Variants in PTPRD observed in about 807,000 individuals in gnomAD.
PTPRD encodes the protein protein tyrosine phosphatase receptor type D.
In PTPRD, 34 loss-of-function variants were observed where a neutral mutation model predicts 214.5. The ratio of observed to expected loss-of-function variants is 0.16; its 90% CI spans 0.12 to 0.21. The LOEUF (loss-of-function observed/expected upper bound fraction) is 0.21, where lower values mean the gene tolerates loss of function less well. Among genes scored for constraint, PTPRD ranks in the 10% least tolerant of loss-of-function variants. PTPRD has a pLI of 1.00. For synonymous variants in PTPRD, 1,128 were observed against 845.7 expected, an observed-to-expected ratio of 1.33 and a Z score of -5.79; for missense variants, 2,545 against 2,398.7, an observed-to-expected ratio of 1.06 and a Z score of -1.27.
chr9:9,590,112 C>T (rs1327074966), intron 7 of PTPRD, among the ~76,000 whole-genome samples: 5 of 152,010 alleles, frequency 3.3e-5, no homozygotes, highest in Admixed American at 3.3e-4. Flanking sequence ...AGCCAGTTGG[C>T]TAAACACATT....
chr9:9,902,341 G>A (rs1205872629), intron 5 of PTPRD, among the ~76,000 whole-genome samples: 3 of 152,082 alleles, frequency 2.0e-5, no homozygotes, highest in Non-Finnish European at 4.4e-5. Flanking sequence ...AAGAAATGAA[G>A]AATTTTAGTT....
At chr9:9,938,981 C>G (rs1451651507) in intron 4 of PTPRD, among the ~76,000 whole-genome samples, 1 of 150,550 alleles carries the variant, frequency 6.6e-6, no homozygotes, top group East Asian at 2.0e-4. Context: ...CAGAGAGAAG[C>G]TGATGTTGAA....
intron 4 of PTPRD, among the ~76,000 whole-genome samples, chr9:10,031,779 G>A (rs4741006): frequency 0.2 from 30,600 of 150,168 alleles, 3,545 homozygotes; most frequent in East Asian, 0.49. Flanking sequence ...TACTAGATTC[G>A]TAGATCAAAG....
At chr9:9,800,555 G>A in intron 5 of PTPRD, 1 of 152,236 alleles carries the variant, frequency 6.6e-6, no homozygotes, top group Middle Eastern at 3.4e-3. Flanking sequence ...GGTCTGTAAA[G>A]AGAGAACGGA....
At chr9:9,489,960 A>G (rs1346390396) in intron 8 of PTPRD, among the ~76,000 whole-genome samples, 1 of 152,158 alleles carries the variant, frequency 6.6e-6, no homozygotes, top group Admixed American at 6.5e-5. Flanking sequence ...CAGGTTGTCA[A>G]CAAAATTTCA....
intron 12 of PTPRD, among the ~76,000 whole-genome samples, chr9:8,686,046 T>C (rs573513602): frequency 6.6e-6 from 1 of 152,304 alleles, no homozygotes; most frequent in East Asian, 1.9e-4. Flanking sequence ...TAAGGGACTC[T>C]CCTAAGGGAG....
At chr9:10,485,216 G>C (rs2099124828) in intron 2 of PTPRD, among the ~76,000 whole-genome samples, 1 of 151,848 alleles carries the variant, frequency 6.6e-6, no homozygotes, top group Admixed American at 6.6e-5. Flanking sequence ...TGTTCCATTG[G>C]TCTACGTGTC....
chr9:10,077,405 A>C (rs1322986752), intron 3 of PTPRD, among the ~76,000 whole-genome samples: 24 of 152,178 alleles, frequency 1.6e-4, no homozygotes. Context: ...TTAGAAATGT[A>C]CTTTTCAAAT....
chr9:9,038,001 A>C lies in PTPRD; in HGVS notation c.-142-19266T>G, dbSNP rs187365372. Among the ~76,000 whole-genome samples the C allele has an allele frequency of 2.0e-5, 3 of 152,346 alleles. No individual in the cohort carries two copies. In the East Asian group the frequency reaches 5.8e-4, roughly 29 times the overall value. Reference sequence around the variant, plus strand: ...ATCTATAAAATGAGAATAACTTCACAGAGTTGGGTAGAAGAGTGAAATTAA... The same window carrying C: ...ATCTATAAAATGAGAATAACTTCACCGAGTTGGGTAGAAGAGTGAAATTAA... On this transcript the variant is annotated intron_variant, in intron 10 of 45. Transcript: ENST00000381196.
intron 35 of PTPRD, among the ~76,000 whole-genome samples, chr9:8,418,219 C>T (rs1274697142): frequency 1.3e-5 from 2 of 150,188 alleles, no homozygotes; most frequent in East Asian, 2.0e-4. Context: ...CTTTCTTATC[C>T]TTTTCTTTTT....
chr9:10,270,974 C>T (rs2094385836), intron 3 of PTPRD, among the ~76,000 whole-genome samples: 1 of 151,942 alleles, frequency 6.6e-6, no homozygotes, highest in South Asian at 2.1e-4. Flanking sequence ...AAGAGTGCCC[C>T]ACCATGTGCA....
In PTPRD at chr9:8,795,905, G is replaced by A. The variant is rs567675346; in HGVS notation, c.-103-61959C>T. On this transcript the variant is annotated intron_variant, in intron 11 of 45. Transcript: ENST00000381196. ...AATGCATAAAAGTATGCACCAAGTCGCATGTTCAAAAAAAAAGAAAAGGCA... is the reference window on the plus strand; with the variant it reads ...AATGCATAAAAGTATGCACCAAGTCACATGTTCAAAAAAAAAGAAAAGGCA... Among the ~76,000 whole-genome samples the A allele has an allele frequency of 2.6e-5, 4 of 151,944 alleles. No homozygotes were observed. The East Asian group carries it at 7.7e-4, about 29-fold the overall frequency.
chr9:9,596,150 T>G (rs2093335908), intron 7 of PTPRD, among the ~76,000 whole-genome samples: 1 of 151,930 alleles, frequency 6.6e-6, no homozygotes, highest in Non-Finnish European at 1.5e-5. Flanking sequence ...ATCATTATGC[T>G]TAAGTTAAAC....
At chr9:8,626,615 C>A (rs1199287382) in intron 14 of PTPRD, among the ~76,000 whole-genome samples, 1 of 151,782 alleles carries the variant, frequency 6.6e-6, no homozygotes, top group Non-Finnish European at 1.5e-5. Flanking sequence ...ATTGCCCTCC[C>A]TAATGTGGGC....
chr9:8,913,384 C>A (rs2098761512), intron 11 of PTPRD, among the ~76,000 whole-genome samples: 1 of 152,008 alleles, frequency 6.6e-6, no homozygotes, highest in Non-Finnish European at 1.5e-5. Flanking sequence ...TGGATATTCA[C>A]AAACATATCA....
At chr9:9,467,247 C>T (rs1338835214) in intron 8 of PTPRD, among the ~76,000 whole-genome samples, 8 of 94,932 alleles carry the variant, frequency 8.4e-5, no homozygotes, top group African/African-American at 2.7e-4. Flanking sequence ...TAACCTAATG[C>T]TTCCCAGTTT....
chr9:8,683,803 C>A (rs1039272374), intron 12 of PTPRD, among the ~76,000 whole-genome samples: 1 of 152,190 alleles, frequency 6.6e-6, no homozygotes, highest in Non-Finnish European at 1.5e-5. Flanking sequence ...TTCTGGCAGT[C>A]TTCATTCTGC....
At chr9:9,947,470 A>ATT (rs1251139685) in intron 4 of PTPRD, among the ~76,000 whole-genome samples, 49 of 33,106 alleles carry the variant, frequency 1.5e-3, no homozygotes, top group African/African-American at 3.1e-3. Context: ...TATACTATAT[A>ATT]TTATATATAT....
chr9:8,469,074 A>C (rs1446838266), intron 31 of PTPRD, among the ~76,000 whole-genome samples: 1 of 152,016 alleles, frequency 6.6e-6, no homozygotes, highest in African/African-American at 2.4e-5. Context: ...CGACCCAAAA[A>C]TTTTGAATTA....
Sources: allele counts gnomAD v4.1 joint callset (sites outside exome capture counted in the v4.1 genomes callset), GRCh38; gene constraint gnomAD v4.1.1; transcripts MANE v1.5; gene names NCBI Gene and HGNC (gene_info 2026-07-23, HGNC 2026-07-21).